DNAJC6: variants seen among roughly 807,000 people sequenced by gnomAD.
DNAJC6 encodes auxilin.
Under a neutral mutation model 110.0 loss-of-function variants are expected in DNAJC6, and 34 were observed. That is an observed-to-expected ratio of 0.31 (90% CI 0.24 to 0.41). DNAJC6 has a LOEUF of 0.41. DNAJC6 is among the 10% of genes least tolerant of loss of function. The probability of loss-of-function intolerance (pLI) is 1.00; values close to 1 mark genes in which losing one functional copy is unlikely to be tolerated. For missense variants in DNAJC6, 1,031 were observed against 1,207.8 expected (o/e 0.85, Z 2.17); for synonymous variants, 406 against 437.2 (o/e 0.93, Z 0.89).
chr1:65,392,390 G>T, intron 11 of DNAJC6, 41 bp from the exon 12 acceptor site: 1 of 1,503,274 alleles, frequency 6.7e-7, no homozygotes, highest in South Asian at 1.3e-5. Context: ...ACAATGCTGT[G>T]GTCAGCAACT....
At chr1:65,364,897 A>C in intron 2 of DNAJC6, 112 bp downstream of exon 2, 1 of 1,360,826 alleles carries the variant, frequency 7.3e-7, no homozygotes, top group Non-Finnish European at 1.0e-6. Context: ...ATATAATTTT[A>C]TGGGATCTGA....
chr1:65,273,452 A>C (rs922085440), intron 1 of DNAJC6, among the ~76,000 whole-genome samples: 1 of 152,086 alleles, frequency 6.6e-6, no homozygotes, highest in African/African-American at 2.4e-5. Context: ...TACAAGTATT[A>C]GTTGAGCACG....
Position 65,336,804 on chromosome 1 carries a change from A to G in DNAJC6, c.193+26866A>G, listed in dbSNP as rs142691332. 9.0e-4 allele frequency among the ~76,000 whole-genome samples: 137 copies of G among 152,284 alleles called. 4 individuals are homozygous for G. The East Asian group carries it at 0.026, about 28-fold the overall frequency. On this transcript the variant is annotated intron_variant, in intron 1 of 18. Transcript: ENST00000371069. ...TAAAAAACACTGTCACAACATTCTC[A>G]TCTCATCCAGAATCTTAATAGTCCT...
chr1:65,403,232 T>G (rs542576063), intron 15 of DNAJC6, among the ~76,000 whole-genome samples: 1 of 152,244 alleles, frequency 6.6e-6, no homozygotes, highest in Non-Finnish European at 1.5e-5. Flanking sequence ...CCTCATAATC[T>G]TTTGAAGTAG....
chr1:65,339,350 A>G (rs1645367286), intron 1 of DNAJC6, among the ~76,000 whole-genome samples: 1 of 152,174 alleles, frequency 6.6e-6, no homozygotes, highest in South Asian at 2.1e-4. Context: ...CTGTGTTCTC[A>G]TTCAGCAGTG....
chr1:65,309,144 A>T (rs879493018), upstream of DNAJC6, among the ~76,000 whole-genome samples: 1 of 152,058 alleles, frequency 6.6e-6, no homozygotes, highest in Non-Finnish European at 1.5e-5. Flanking sequence ...ATTTTACCAC[A>T]AGACCCCTGG....
intron 1 of DNAJC6, among the ~76,000 whole-genome samples, chr1:65,271,589 G>A (rs946344944): frequency 3.9e-5 from 6 of 152,048 alleles, no homozygotes; most frequent in South Asian, 2.1e-4. Flanking sequence ...TGATTAGGCC[G>A]GGTGCGGTGG....
chr1:65,414,616 G>A lies in DNAJC6; in HGVS notation c.*1591G>A, dbSNP rs2101649766. 1 of 152,636 alleles carries A rather than the reference G, an allele frequency of 6.6e-6. No homozygotes were observed. Among genetic ancestry groups the A allele is most frequent in the Non-Finnish European group, 1.5e-5 (1 of 68,008 alleles). 9.5% of individuals were successfully genotyped at this position (152,636 alleles called of 1,614,324 possible). Reference sequence around the variant, plus strand: ...TTGTTTTGTTTGTTTGTTTGTTAAAGTTCATTATTTATTTTACCTTTTACT... The same window carrying A: ...TTGTTTTGTTTGTTTGTTTGTTAAAATTCATTATTTATTTTACCTTTTACT... On this transcript the variant is annotated 3_prime_UTR_variant, in exon 19 of 19. Coordinates refer to ENST00000371069, the MANE Select transcript of DNAJC6 (RefSeq NM_001256864.2).
chr1:65,364,901 G>T, intron 2 of DNAJC6, 116 bp downstream of exon 2: 1 of 1,362,488 alleles, frequency 7.3e-7, no homozygotes, highest in Non-Finnish European at 1.0e-6. Context: ...AATTTTATGG[G>T]ATCTGATGAA....
chr1:65,398,744 CTG>C, intron 13 of DNAJC6, 67 bp from the exon 14 acceptor site: 1 of 1,530,294 alleles, frequency 6.5e-7, no homozygotes. Flanking sequence ...TGGCATTATC[CTG>C]TGTGAACTCA....
intron 1 of DNAJC6, among the ~76,000 whole-genome samples, chr1:65,302,118 A>AGATATAATACGTAT (rs1204528510): frequency 5.7e-5 from 1 of 17,414 alleles, no homozygotes; most frequent in African/African-American, 3.9e-4. Context: ...ATATATATAT[A>AGATATAATACGTAT]TATATAAAAA....
intron 11 of DNAJC6, 82 bp from the exon 12 acceptor site, chr1:65,392,349 G>A (rs540146522): frequency 7.7e-7 from 1 of 1,299,268 alleles, no homozygotes; most frequent in South Asian, 1.6e-5. Context: ...TGTCTTTCTG[G>A]AATTATATAC....
chr1:65,332,423 A>G (rs796263865), intron 1 of DNAJC6, among the ~76,000 whole-genome samples: 41 of 152,356 alleles, frequency 2.7e-4, no homozygotes, highest in African/African-American at 9.4e-4. Context: ...CAAATGCCTT[A>G]AGTGCAGAAA....
At chr1:65,343,488 G>A (rs934476233) in intron 1 of DNAJC6, among the ~76,000 whole-genome samples, 4 of 152,118 alleles carry the variant, frequency 2.6e-5, no homozygotes, top group Non-Finnish European at 4.4e-5. Flanking sequence ...ATCTTGCACC[G>A]TCTTGCTTGG....
In DNAJC6 at chr1:65,386,884, C is replaced by T; in HGVS notation, c.1068C>T (p.Ser356=). The T allele has an allele frequency of 1.2e-6, 2 of 1,614,092 alleles. No homozygotes were observed. The highest frequency in any genetic ancestry group is 8.5e-7 in the Non-Finnish European group (1 of 1,180,002). Residue 356 remains serine, a synonymous_variant, in exon 8 of 19, where the codon TCC becomes TCT. Transcript: ENST00000371069. ...NITVQGDVVV[S]MYHLRSTIGS... is the part of the protein sequence containing the mutation. Reference sequence around the variant, plus strand: ...CTGTGCAAGGAGACGTGGTTGTTTCCATGTATCACTTGAGGTCAACCATTG... The same window carrying T: ...CTGTGCAAGGAGACGTGGTTGTTTCTATGTATCACTTGAGGTCAACCATTG...
intron 1 of DNAJC6, among the ~76,000 whole-genome samples, chr1:65,300,954 T>A (rs1644973161): frequency 6.6e-6 from 1 of 152,130 alleles, no homozygotes; most frequent in Admixed American, 6.5e-5. Flanking sequence ...GCATCCAGAT[T>A]TTAAGGATCT....
chr1:65,309,989 G>A, intron 1 of DNAJC6, 51 bp downstream of exon 1: 1 of 1,363,826 alleles, frequency 7.3e-7, no homozygotes, highest in African/African-American at 1.5e-5. Flanking sequence ...GGCCTCCGGA[G>A]CCTCCCAGTC....
Position 65,352,565 on chromosome 1 carries a change from C to A in DNAJC6, c.194-12070C>A, listed in dbSNP as rs186848958. Among the ~76,000 whole-genome samples the A allele has an allele frequency of 2.5e-3, 387 of 152,328 alleles. 4 individuals are homozygous for A. Among genetic ancestry groups the A allele is most frequent in the African/African-American group, 8.9e-3 (372 of 41,574 alleles). On this transcript the variant is annotated intron_variant, in intron 1 of 18. Transcript: ENST00000371069. The stretch of plus-strand genomic sequence containing the variant: ...TGTGTGGGATACTGTATATTCCTAG[C>A]ATGGTGCCTAACATATAGTAAGGCC...
chr1:65,409,158 T>C (rs542311863), intron 17 of DNAJC6, among the ~76,000 whole-genome samples: 5 of 152,150 alleles, frequency 3.3e-5, no homozygotes, highest in South Asian at 2.1e-4. Flanking sequence ...CACCTCCCAA[T>C]AGGAAGCCCT....
Sources: gnomAD v4.1 joint callset for allele counts (sites outside exome capture counted in the v4.1 genomes callset) on GRCh38, gnomAD v4.1.1 for gene constraint, MANE v1.5 for transcripts, NCBI Gene and HGNC (gene_info 2026-07-23, HGNC 2026-07-21) for gene names.